VPS13B: variants seen among roughly 807,000 people sequenced by gnomAD.
VPS13B encodes the protein vacuolar protein sorting 13 homolog B, also known as intermembrane lipid transfer protein VPS13B.
Under a neutral mutation model 426.4 loss-of-function variants are expected in VPS13B, and 285 were observed. The ratio of observed to expected loss-of-function variants is 0.67; its 90% CI spans 0.61 to 0.74. The LOEUF (loss-of-function observed/expected upper bound fraction) is 0.74, where lower values mean the gene tolerates loss of function less well. Ranked by LOEUF, VPS13B falls within the 30% of genes least tolerant of loss-of-function variation. The pLI is 0.00. For synonymous variants in VPS13B, 1,676 were observed against 1,676.4 expected, an observed-to-expected ratio of 1.00 and a Z score of 0.01; for missense variants, 4,537 against 4,782.6, an observed-to-expected ratio of 0.95 and a Z score of 1.51.
At chr8:99,474,023 T>A (rs955082215) in intron 24 of VPS13B, among the ~76,000 whole-genome samples, 2 of 152,104 alleles carry the variant, frequency 1.3e-5, no homozygotes, top group Non-Finnish European at 2.9e-5. Flanking sequence ...TATCTCCTCA[T>A]AGTTTGGAAG....
intron 35 of VPS13B, among the ~76,000 whole-genome samples, chr8:99,693,227 G>A (rs1831770267): frequency 6.6e-6 from 1 of 151,020 alleles, no homozygotes. Context: ...CCAAAGCCGG[G>A]CAGAGACACA....
At chr8:99,320,459 A>G (rs1809916950) in intron 19 of VPS13B, among the ~76,000 whole-genome samples, 1 of 152,014 alleles carries the variant, frequency 6.6e-6, no homozygotes, top group South Asian at 2.1e-4. Flanking sequence ...ATGTTGATAT[A>G]TTTTGTTTTC....
chr8:99,540,389 C>T (rs1823551938), intron 30 of VPS13B, among the ~76,000 whole-genome samples: 1 of 151,834 alleles, frequency 6.6e-6, no homozygotes. Context: ...CTAAGCATTT[C>T]TATTTTTAAG....
intron 52 of VPS13B, among the ~76,000 whole-genome samples, chr8:99,833,630 G>A (rs1223126568): frequency 1.3e-5 from 2 of 152,092 alleles, no homozygotes; most frequent in African/African-American, 4.8e-5. Flanking sequence ...TTACATTCTG[G>A]TTGGAGATGT....
At chr8:99,782,454 T>A (rs1294560209) in intron 42 of VPS13B, among the ~76,000 whole-genome samples, 1 of 152,060 alleles carries the variant, frequency 6.6e-6, no homozygotes, top group Non-Finnish European at 1.5e-5. Context: ...GAATCTTATG[T>A]AAGCGTAAAA....
chr8:99,325,580 C>A (rs916085777), intron 19 of VPS13B, among the ~76,000 whole-genome samples: 3 of 151,858 alleles, frequency 2.0e-5, no homozygotes, highest in African/African-American at 7.3e-5. Context: ...CAGTATAATT[C>A]TTATCTGTGT....
At chr8:99,568,801 T>C (rs1048734854) in intron 31 of VPS13B, among the ~76,000 whole-genome samples, 1 of 151,252 alleles carries the variant, frequency 6.6e-6, no homozygotes, top group African/African-American at 2.4e-5. Context: ...AACCACAAGT[T>C]TTTTTTTGTT....
intron 33 of VPS13B, among the ~76,000 whole-genome samples, chr8:99,634,306 C>A (rs947917651): frequency 2.0e-5 from 3 of 151,908 alleles, no homozygotes; most frequent in African/African-American, 7.2e-5. Flanking sequence ...AGTTCCTTTT[C>A]ATAATTTACA....
intron 3 of VPS13B, among the ~76,000 whole-genome samples, chr8:99,051,938 G>A (rs1259151494): frequency 5.3e-5 from 8 of 152,150 alleles, no homozygotes; most frequent in African/African-American, 1.9e-4. Context: ...GGGATGAGAT[G>A]ATGGGGTTTT....
chr8:99,577,809 G>A, intron 33 of VPS13B, 176 bp downstream of exon 33: 1 of 927,562 alleles, frequency 1.1e-6, no homozygotes, highest in Non-Finnish European at 1.6e-6. Flanking sequence ...AAATTTGTTT[G>A]GTCTCTATTC....
chr8:99,482,916 T>C (rs1467379627), intron 25 of VPS13B, among the ~76,000 whole-genome samples: 2 of 152,072 alleles, frequency 1.3e-5, no homozygotes, highest in Admixed American at 6.6e-5. Context: ...CCCCCATTCA[T>C]TTCCAAAACA....
At chr8:99,030,022 G>C (rs1030257357) in intron 2 of VPS13B, among the ~76,000 whole-genome samples, 1 of 151,882 alleles carries the variant, frequency 6.6e-6, no homozygotes, top group Non-Finnish European at 1.5e-5. Flanking sequence ...GAGCTTCCTG[G>C]ACCTGGATGT....
chr8:99,121,467 T>G (rs1464724020), intron 8 of VPS13B, 22 bp downstream of exon 8: 1 of 1,611,316 alleles, frequency 6.2e-7, no homozygotes, highest in Non-Finnish European at 8.5e-7. Context: ...CTCTTGCTGT[T>G]TATATCTCTA....
chr8:99,828,392 CCGTTTTTT>C (rs1814824187), intron 51 of VPS13B, among the ~76,000 whole-genome samples: 22 of 47,650 alleles, frequency 4.6e-4, no homozygotes, highest in Admixed American at 9.5e-4. Context: ...ATTACAACCA[CCGTTTTTT>C]TTTTTTTTTT....
chr8:99,315,652 T>G (rs1809602687), intron 19 of VPS13B, among the ~76,000 whole-genome samples: 1 of 151,962 alleles, frequency 6.6e-6, no homozygotes, highest in Admixed American at 6.6e-5. Flanking sequence ...TTTTTTTTTT[T>G]TTGAGACGGA....
At chr8:99,103,603 C>T (rs926796855) in intron 5 of VPS13B, among the ~76,000 whole-genome samples, 1 of 150,330 alleles carries the variant, frequency 6.7e-6, no homozygotes, top group Non-Finnish European at 1.5e-5. Context: ...GGGTTCACAC[C>T]ATTCTTCTGC....
intron 54 of VPS13B, among the ~76,000 whole-genome samples, chr8:99,841,432 C>A (rs1815676806): frequency 6.6e-6 from 1 of 152,216 alleles, no homozygotes; most frequent in Non-Finnish European, 1.5e-5. Context: ...TCTAGAGTCT[C>A]TGCATCAGTT....
chr8:99,801,216 G>A (rs1023391202), intron 43 of VPS13B, among the ~76,000 whole-genome samples: 3 of 151,948 alleles, frequency 2.0e-5, no homozygotes, highest in African/African-American at 7.3e-5. Flanking sequence ...CTCAAGATTT[G>A]ACCTCCTAAA....
At chr8:99,418,743 A>C (rs1277695353) in intron 21 of VPS13B, among the ~76,000 whole-genome samples, 1 of 151,824 alleles carries the variant, frequency 6.6e-6, no homozygotes, top group Non-Finnish European at 1.5e-5. Context: ...TTTTCATGAA[A>C]TTTTCGGAAT....
Sources: gnomAD v4.1 joint callset for allele counts (sites outside exome capture counted in the v4.1 genomes callset) on GRCh38, gnomAD v4.1.1 for gene constraint, MANE v1.5 for transcripts, NCBI Gene and HGNC (gene_info 2026-07-23, HGNC 2026-07-21) for gene names.